The following ADGRB2 variants were observed in gnomAD, a reference collection of about 807,000 sequenced individuals.
ADGRB2 encodes the protein adhesion G protein-coupled receptor B2, also known as brain-specific angiogenesis inhibitor 2.
In ADGRB2, 47 loss-of-function variants were observed where a neutral mutation model predicts 178.7. The observed-to-expected ratio is 0.26, with a 90% CI of 0.21 to 0.34. The LOEUF is 0.34. Ranked by LOEUF, ADGRB2 falls within the 10% of genes least tolerant of loss-of-function variation. The pLI is 1.00. For missense variants in ADGRB2, 1,584 were observed against 2,180.8 expected (o/e 0.73, Z 5.45); for synonymous variants, 870 against 912.4 (o/e 0.95, Z 0.84).
chr1:31,729,413 C>T (rs1557729281), intron 29 of ADGRB2, among the ~76,000 whole-genome samples: 7 of 152,168 alleles, frequency 4.6e-5, no homozygotes, highest in Admixed American at 4.6e-4. Flanking sequence ...TGGTTTTCCT[C>T]TCCTCTCCCT....
Position 31,758,988 on chromosome 1 carries a change from C to T in ADGRB2, c.-190-1477G>A, listed in dbSNP as rs550032096. On this transcript the variant is annotated intron_variant, in intron 1 of 32. Coordinates refer to ENST00000373658, the MANE Select transcript of ADGRB2 (RefSeq NM_001364857.2). The surrounding 1 kb of genome is among the most constrained non-coding windows in gnomAD (Gnocchi z 4.2). ...CGCAAAATTCAGGCCATGGCTGCGGCTCAGTGGAGGGGAGGTAGGGGCTCA... is the reference window on the plus strand; with the variant it reads ...CGCAAAATTCAGGCCATGGCTGCGGTTCAGTGGAGGGGAGGTAGGGGCTCA... Among the ~76,000 whole-genome samples, 5 of 152,338 alleles carry T rather than the reference C, an allele frequency of 3.3e-5. No homozygotes were observed. The East Asian group carries it at 9.6e-4, about 29-fold the overall frequency.
In ADGRB2 at chr1:31,738,289, G is replaced by C. The variant is rs751531666; in HGVS notation, c.2683C>G (p.Gln895Glu). 9.9e-6 allele frequency: 16 copies of C among 1,613,968 alleles called. No homozygotes were observed. The highest frequency in any genetic ancestry group is 1.3e-5 in the African/African-American group (1 of 74,874). ...SSGDWDTENCQTLETQAAHTR... is the reference protein window; with the variant it reads ...SSGDWDTENCETLETQAAHTR... ...TGAGCTGCCTGGGTCTCCAGGGTCTGGCAATTTTCAGTGTCCCAGTCTCCT... is the reference window on the plus strand; with the variant it reads ...TGAGCTGCCTGGGTCTCCAGGGTCTCGCAATTTTCAGTGTCCCAGTCTCCT... Residue 895 changes from glutamine to glutamate, a missense_variant, in exon 18 of 33, where the codon CAG becomes GAG. By Grantham distance (29) the Gln-to-Glu change is conservative. This residue lies in a region of ADGRB2 where 865 missense variants were observed against 1,192.8 expected (regional missense o/e 0.73). Transcript: ENST00000373658.
intron 27 of ADGRB2, 48 bp from the exon 28 acceptor site, chr1:31,732,202 A>G (rs371611168): frequency 9.3e-6 from 15 of 1,612,226 alleles, no homozygotes; most frequent in African/African-American, 1.3e-5. Context: ...GGATTAATGT[A>G]TCAGGGTGGG....
At position 31,759,669 on chromosome 1, in the gene ADGRB2, A is replaced by G. The variant is rs1463708700; in HGVS notation, c.-190-2158T>C. Among the ~76,000 whole-genome samples, 1 of 152,010 alleles carries G rather than the reference A, an allele frequency of 6.6e-6. No individual in the cohort carries two copies. The highest frequency in any genetic ancestry group is 6.6e-5 in the Admixed American group (1 of 15,262). ...AAGACCTTTTGGGGCGCCTTTTTATATTACTTCCCACCATTCAAAATAAGG... is the reference window on the plus strand; with the variant it reads ...AAGACCTTTTGGGGCGCCTTTTTATGTTACTTCCCACCATTCAAAATAAGG... On this transcript the variant is annotated intron_variant, in intron 1 of 32. Coordinates refer to ENST00000373658, the MANE Select transcript of ADGRB2 (RefSeq NM_001364857.2). This position sits in a 1 kb window ranked among gnomAD's most constrained non-coding sequence, Gnocchi z 4.3.
At chr1:31,729,289 AG>A (rs1164188849) in intron 29 of ADGRB2, among the ~76,000 whole-genome samples, 1 of 152,180 alleles carries the variant, frequency 6.6e-6, no homozygotes, top group Non-Finnish European at 1.5e-5. Context: ...ACTGAGACCC[AG>A]GGAGGTGAAG....
In ADGRB2 at chr1:31,740,069, G is replaced by A; in HGVS notation, c.2059-35C>T. On this transcript the variant is annotated intron_variant, in intron 13 of 32. Coordinates refer to ENST00000373658, the MANE Select transcript of ADGRB2 (RefSeq NM_001364857.2). The surrounding 1 kb of genome is among the most constrained non-coding windows in gnomAD (Gnocchi z 5.9). ...GAAAGTGTGTAAGGGTCCAAGGCAG[G>A]GTGGGTCACGGGAGGAGAAGCTGGC... The A allele has an allele frequency of 1.2e-6, 2 of 1,614,128 alleles. No individual in the cohort carries two copies. Among genetic ancestry groups the A allele is most frequent in the Non-Finnish European group, 1.7e-6 (2 of 1,179,972 alleles).
At chr1:31,734,323 CTG>C (rs1645453453) in intron 25 of ADGRB2, among the ~76,000 whole-genome samples, 1 of 152,216 alleles carries the variant, frequency 6.6e-6, no homozygotes, top group East Asian at 1.9e-4. Flanking sequence ...GATGAGGAAA[CTG>C]GAGTGAGCCC....
intron 29 of ADGRB2, 129 bp downstream of exon 29, chr1:31,730,671 G>GCTCA: frequency 1.6e-6 from 2 of 1,238,090 alleles, no homozygotes; most frequent in Non-Finnish European, 2.1e-6. Context: ...ACAGAGAAAT[G>GCTCA]CTCAGTGTAT....
intron 4 of ADGRB2, among the ~76,000 whole-genome samples, chr1:31,748,581 G>A (rs1646394739): frequency 6.6e-6 from 1 of 152,264 alleles, no homozygotes; most frequent in Non-Finnish European, 1.5e-5. Flanking sequence ...GGTCCAAGAG[G>A]ACAAGGAGGG....
chr1:31,738,214 G>T lies in ADGRB2; in HGVS notation c.2758C>A (p.Pro920Thr). ...GTTCCACTCACCAGGTCCTTGGGCG[G>T]CTGGGCTAGTACAGCAAAGGTGGAC... is the stretch of plus-strand genomic sequence containing the variant. ...HLSTFAVLAQPPKDLTLELAG... is the reference protein window; with the variant it reads ...HLSTFAVLAQTPKDLTLELAG... Residue 920 changes from proline to threonine, a missense_variant, in exon 18 of 33, where the codon CCG becomes ACG. Pro to Thr is a conservative substitution (Grantham distance 38, BLOSUM62 -1). Transcript: ENST00000373658. 1.2e-6 allele frequency: 2 copies of T among 1,614,116 alleles called. No individual in the cohort carries two copies. Among genetic ancestry groups the T allele is most frequent in the South Asian group, 1.1e-5 (1 of 91,080 alleles).
chr1:31,745,118 A>G (rs1187559433), intron 4 of ADGRB2, among the ~76,000 whole-genome samples: 1 of 152,202 alleles, frequency 6.6e-6, no homozygotes, highest in Non-Finnish European at 1.5e-5. Context: ...TTTACAGATG[A>G]GGAAACTGAG....
intron 4 of ADGRB2, among the ~76,000 whole-genome samples, chr1:31,747,211 C>CA (rs1427865999): frequency 6.6e-6 from 1 of 152,106 alleles, no homozygotes; most frequent in Admixed American, 6.5e-5. Context: ...CTGTCCCCAT[C>CA]TCCTTGAGGG....
chr1:31,731,074 C>T lies in ADGRB2; in HGVS notation c.4106G>A (p.Gly1369Asp). 2.5e-6 allele frequency: 4 copies of T among 1,577,074 alleles called. No homozygotes were observed. Among genetic ancestry groups the T allele is most frequent in the Non-Finnish European group, 3.4e-6 (4 of 1,161,692 alleles). Residue 1369 changes from glycine (G) to aspartate (D), a missense_variant, in exon 29 of 33, where the codon GGT becomes GAT. Physicochemically the swap from Gly to Asp is moderately conservative, Grantham distance 94 (BLOSUM62 -1). Transcript: ENST00000373658. ...CCGGGCCCTGGGGGCATCCTCACCACCTCCACCCCCACCGCCAGGCTGCAG... is the reference window on the plus strand; with the variant it reads ...CCGGGCCCTGGGGGCATCCTCACCATCTCCACCCCCACCGCCAGGCTGCAG... ...LSLQPGGGGG[G>D]GEDAPRARPE...
At position 31,728,010 on chromosome 1, in the gene ADGRB2, C is replaced by A. The variant is rs1317441217; in HGVS notation, c.4572+15G>T. ...CTCAGGCCCACCTCACCCCACCCAG[C>A]CCGGGGGGACTCACGGTGCACACGC... On this transcript the variant is annotated intron_variant, in intron 32 of 32. Transcript: ENST00000373658. The surrounding 1 kb of genome is among the most constrained non-coding windows in gnomAD (Gnocchi z 6.7). 1.3e-6 allele frequency: 2 copies of A among 1,548,510 alleles called. No homozygotes were observed. The highest frequency in any genetic ancestry group is 2.7e-5 in the African/African-American group (2 of 73,402).
At chr1:31,732,042 C>A (rs2148892292) in intron 28 of ADGRB2, 73 bp downstream of exon 28, 1 of 1,594,310 alleles carries the variant, frequency 6.3e-7, no homozygotes, top group South Asian at 1.1e-5. Context: ...CAGGGCCTCC[C>A]ATGATGGGGC....
At chr1:31,732,409 C>T in intron 27 of ADGRB2, 108 bp downstream of exon 27, 1 of 1,368,812 alleles carries the variant, frequency 7.3e-7, no homozygotes, top group East Asian at 2.4e-5. Context: ...AAACCCAATC[C>T]CTGTCCCAAC....
chr1:31,748,085 T>C (rs928336505), intron 4 of ADGRB2, among the ~76,000 whole-genome samples: 2 of 152,214 alleles, frequency 1.3e-5, no homozygotes, highest in Non-Finnish European at 2.9e-5. Flanking sequence ...CCTGACCTGC[T>C]TGTCGGGGTC....
Position 31,743,001 on chromosome 1 carries a change from C to A in ADGRB2, c.1089G>T (p.Val363=). 1 of 1,494,778 alleles carries A rather than the reference C, an allele frequency of 6.7e-7. No homozygotes were observed. Among genetic ancestry groups the A allele is most frequent in the Non-Finnish European group, 8.9e-7 (1 of 1,118,056 alleles). The allele number at this position is 1,494,778 out of a possible 1,614,324, so 92.6% of individuals were successfully genotyped here. Residue 363 remains valine, a splice_region_variant and synonymous_variant, in exon 7 of 33, where the codon GTG becomes GTT. Coordinates refer to ENST00000373658, the MANE Select transcript of ADGRB2 (RefSeq NM_001364857.2). ...ACCCCCACTCCTCCCACACGCCGTG[C>A]ACTGCAAGGAAGCACGTGGCCGGTG... ...RPCNNSATCP[V]HGVWEEWGSW...
chr1:31,757,642 TCCCCCTCTTAC>T (rs1405807000), intron 1 of ADGRB2, 131 bp from the exon 2 acceptor site: 1 of 218,584 alleles, frequency 4.6e-6, no homozygotes, highest in Non-Finnish European at 9.3e-6. Context: ...GTGCAGAAAT[TCCCCCTCTTAC>T]TTCCCTCTTC....
Sources: gnomAD v4.1 joint callset for allele counts (sites outside exome capture counted in the v4.1 genomes callset) on GRCh38, gnomAD v4.1.1 for gene constraint, gnomAD v4.1.1 regional missense constraint, Gnocchi (gnomAD v3.1) non-coding constraint, MANE v1.5 for transcripts, NCBI Gene and HGNC (gene_info 2026-07-23, HGNC 2026-07-21) for gene names.